DRC3: variants seen among roughly 807,000 people sequenced by gnomAD.
The protein encoded by DRC3 is leucine rich repeat containing 48.
In DRC3, 45 loss-of-function variants were observed where a neutral mutation model predicts 57.6. The ratio of observed to expected loss-of-function variants is 0.78; its 90% CI spans 0.62 to 1.00. The LOEUF is 1.00. Ranked by LOEUF, DRC3 falls within the 50% of genes least tolerant of loss-of-function variation. The pLI is 0.00. For missense variants in DRC3, 655 were observed against 675.2 expected, an observed-to-expected ratio of 0.97 and a Z score of 0.33; for synonymous variants, 257 against 272.3, an observed-to-expected ratio of 0.94 and a Z score of 0.55.
intron 3 of DRC3, among the ~76,000 whole-genome samples, chr17:17,982,668 T>G (rs1485850391): frequency 7.1e-6 from 1 of 140,962 alleles, no homozygotes; most frequent in Non-Finnish European, 1.6e-5. Flanking sequence ...TCTGCCTCCC[T>G]GGTTCAAGCG....
intron 2 of DRC3, 141 bp from the exon 3 acceptor site, chr17:17,977,441 T>G: frequency 2.1e-6 from 2 of 955,744 alleles, no homozygotes; most frequent in Middle Eastern, 3.1e-4. Context: ...AACCCCGAGA[T>G]GCAGCAGACC....
At chr17:17,977,825 C>T in intron 3 of DRC3, 67 bp downstream of exon 3, 1 of 1,482,706 alleles carries the variant, frequency 6.7e-7, no homozygotes, top group African/African-American at 1.4e-5. Flanking sequence ...GCTCCATCTT[C>T]AAGCCCCAGG....
At chr17:17,986,291 A>G (rs1227761653) in intron 4 of DRC3, among the ~76,000 whole-genome samples, 2 of 152,202 alleles carry the variant, frequency 1.3e-5, no homozygotes, top group African/African-American at 4.8e-5. Flanking sequence ...TTCCTCATCT[A>G]TAAAATGGGG....
In DRC3 at chr17:17,988,044, C is replaced by T. The variant is rs199609092; in HGVS notation, c.390C>T (p.Leu130=). The change falls in exon 5 of 14, where the codon CTC becomes CTT. Residue 130 remains leucine, a synonymous_variant. Transcript: ENST00000399187. ...CCAAGATCGACTCCCTGGACGCCCT[C>T]GTCAAGCTGCAGGTGTTGTCGCTGG... ...RISKIDSLDA[L]VKLQVLSLGN... is the part of the protein sequence containing the mutation. 4.9e-5 allele frequency: 79 copies of T among 1,613,984 alleles called. 2 individuals carry two copies. The East Asian group carries it at 1.5e-3, about 31-fold the overall frequency.
intron 4 of DRC3, among the ~76,000 whole-genome samples, chr17:17,985,309 C>T (rs751209888): frequency 6.6e-5 from 10 of 152,252 alleles, no homozygotes; most frequent in Non-Finnish European, 1.5e-4. Context: ...AGTGGCCATC[C>T]ACGCTTCCAA....
chr17:17,999,050 G>C (rs2043580244), intron 9 of DRC3, among the ~76,000 whole-genome samples: 1 of 152,132 alleles, frequency 6.6e-6, no homozygotes, highest in Admixed American at 6.6e-5. Context: ...TATTTATCTG[G>C]TCCCTGTAGC....
At chr17:18,000,904 A>T (rs958175431) in intron 9 of DRC3, among the ~76,000 whole-genome samples, 4 of 151,484 alleles carry the variant, frequency 2.6e-5, no homozygotes, top group Non-Finnish European at 5.9e-5. Context: ...TAAATTATTT[A>T]TTATTATTAT....
At chr17:17,989,961 G>A (rs946158191) in intron 5 of DRC3, among the ~76,000 whole-genome samples, 1 of 152,206 alleles carries the variant, frequency 6.6e-6, no homozygotes, top group East Asian at 1.9e-4. Context: ...GTGATAATTG[G>A]CACTGCAAGG....
At chr17:17,995,569 T>C (rs981857143) in intron 8 of DRC3, 1 of 163,644 alleles carries the variant, frequency 6.1e-6, no homozygotes, top group Non-Finnish European at 1.3e-5. Flanking sequence ...CTTTTGAAGC[T>C]TTGTCTGTGG....
intron 4 of DRC3, 121 bp downstream of exon 4, chr17:17,984,065 G>A (rs928858455): frequency 1.6e-6 from 1 of 638,244 alleles, no homozygotes; most frequent in South Asian, 1.9e-5. Flanking sequence ...ATTAGCCAGG[G>A]TACGGCAGAA....
chr17:17,976,895 C>A lies in DRC3; in HGVS notation c.-17-687C>A, dbSNP rs80186515. On this transcript the variant is annotated intron_variant, in intron 2 of 13. Coordinates refer to ENST00000399187, the MANE Select transcript of DRC3 (RefSeq NM_031294.4). The stretch of plus-strand genomic sequence containing the variant: ...GTTCCCATCTCTGCTTTTCTCTGTG[C>A]ATCTGCCTCCTCCCCCTCTTGCTCT... Among the ~76,000 whole-genome samples the A allele has an allele frequency of 5.3e-5, 8 of 152,276 alleles. No individual in the cohort carries two copies. The East Asian group carries it at 1.5e-3, about 29-fold the overall frequency.
intron 3 of DRC3, 110 bp downstream of exon 3, chr17:17,977,868 C>T: frequency 1.7e-6 from 2 of 1,181,564 alleles, no homozygotes; most frequent in South Asian, 3.2e-5. Flanking sequence ...GAGGTTCCCA[C>T]ATCAGCATTA....
intron 12 of DRC3, chr17:18,010,568 T>C (rs1203320899): frequency 6.5e-6 from 1 of 153,396 alleles, no homozygotes; most frequent in African/African-American, 2.4e-5. Flanking sequence ...CTTCAAAATA[T>C]ACTACAAAGT....
chr17:18,005,797 C>G, intron 10 of DRC3: 1 of 231,494 alleles, frequency 4.3e-6, no homozygotes, highest in Non-Finnish European at 8.6e-6. Context: ...CCCAGGCAGT[C>G]TAGCTCTTAA....
At chr17:17,977,442 G>A in intron 2 of DRC3, 140 bp from the exon 3 acceptor site, 1 of 974,838 alleles carries the variant, frequency 1.0e-6, no homozygotes, top group Non-Finnish European at 1.5e-6. Context: ...ACCCCGAGAT[G>A]CAGCAGACCC....
In DRC3 at chr17:18,016,144, A is replaced by AACAACCACTTTCT. The variant is rs2044354806; in HGVS notation, c.1407_1408insACAACCACTTTCT (p.Asp470ThrfsTer5). 6.2e-7 allele frequency: 1 copy of AACAACCACTTTCT among 1,613,932 alleles called. No individual in the cohort carries two copies. Among genetic ancestry groups the AACAACCACTTTCT allele is most frequent in the Admixed American group, 1.7e-5 (1 of 60,008 alleles). On this transcript the variant is annotated frameshift_variant, in exon 13 of 14. Coordinates refer to ENST00000399187, the MANE Select transcript of DRC3 (RefSeq NM_031294.4). LOFTEE classifies it high-confidence loss of function. ...ACCTCCTGAAGATTGACAATCGAGA[A>AACAACCACTTTCT]GATGAGCTGGTGACCAGAATCAACT... is the stretch of plus-strand genomic sequence containing the variant.
At chr17:18,011,804 A>G (rs993550038) in intron 12 of DRC3, 3 of 189,242 alleles carry the variant, frequency 1.6e-5, no homozygotes, top group African/African-American at 4.6e-5. Flanking sequence ...TGGAGGACTC[A>G]GGCTTCAGCT....
Position 18,016,145 on chromosome 17 carries a change from G to C in DRC3, c.1408G>C (p.Asp470His). ...CCTCCTGAAGATTGACAATCGAGAA[G>C]ATGAGCTGGTGACCAGAATCAACTC... ...IHLLKIDNREDELVTRINSWC... is the reference protein window; with the variant it reads ...IHLLKIDNREHELVTRINSWC... Residue 470 changes from aspartate to histidine, a missense_variant, in exon 13 of 14, where the codon GAT (aspartate) becomes CAT (histidine). By Grantham distance (81) the Asp-to-His change is moderately conservative. Transcript: ENST00000399187. 6.2e-7 allele frequency: 1 copy of C among 1,614,040 alleles called. No homozygotes were observed. Among genetic ancestry groups the C allele is most frequent in the Non-Finnish European group, 8.5e-7 (1 of 1,179,880 alleles).
chr17:17,982,927 A>G (rs2042777469), intron 3 of DRC3, among the ~76,000 whole-genome samples: 1 of 152,250 alleles, frequency 6.6e-6, no homozygotes, highest in African/African-American at 2.4e-5. Context: ...AAAAGCAAAT[A>G]TGGAAAAAAG....
Sources: gnomAD v4.1 joint callset for allele counts (sites outside exome capture counted in the v4.1 genomes callset) on GRCh38, gnomAD v4.1.1 for gene constraint, MANE v1.5 for transcripts, NCBI Gene and HGNC (gene_info 2026-07-23, HGNC 2026-07-21) for gene names.